Variants in LYPD6 observed in about 807,000 individuals in gnomAD.
LYPD6 encodes LY6/PLAUR domain containing 6.
LYPD6 carries 15 observed loss-of-function variants against 22.7 expected under a neutral mutation model. The ratio of observed to expected loss-of-function variants is 0.66; its 90% CI spans 0.44 to 1.02. The LOEUF is 1.02. Among genes scored for constraint, LYPD6 ranks in the 50% least tolerant of loss-of-function variants. The pLI is 0.00. For synonymous variants in LYPD6, 72 were observed against 77.5 expected (o/e 0.93, Z 0.37); for missense variants, 189 against 208.4 (o/e 0.91, Z 0.57).
At chr2:149,432,293 T>C (rs772410850) in intron 1 of LYPD6, among the ~76,000 whole-genome samples, 1 of 152,178 alleles carries the variant, frequency 6.6e-6, no homozygotes, top group Non-Finnish European at 1.5e-5. Context: ...CACACAAACA[T>C]GTACATGAAT....
At chr2:149,409,412 G>A (rs6746484) in intron 1 of LYPD6, among the ~76,000 whole-genome samples, 39,752 of 152,002 alleles carry the variant, frequency 0.26, 5,912 homozygotes, top group African/African-American at 0.41. Context: ...TTTCAAGAGC[G>A]CATCAGCTGC....
In LYPD6 at chr2:149,460,541, A is replaced by G. The variant is rs182457151; in HGVS notation, c.218-8104A>G. Among the ~76,000 whole-genome samples the G allele has an allele frequency of 6.6e-3, 1,012 of 152,284 alleles. 12 individuals carry two copies. The highest frequency in any genetic ancestry group is 0.023 in the African/African-American group (939 of 41,578). ...TAGATAAATCTACAATTATAGTTGG[A>G]GACTTCAACACCACTCTTTCAAAAA... On this transcript the variant is annotated intron_variant, in intron 3 of 4. Coordinates refer to ENST00000334166, the MANE Select transcript of LYPD6 (RefSeq NM_194317.5).
intron 1 of LYPD6, among the ~76,000 whole-genome samples, chr2:149,340,716 T>G (rs1233388720): frequency 6.6e-6 from 1 of 152,202 alleles, no homozygotes; most frequent in Non-Finnish European, 1.5e-5. Flanking sequence ...TTTTTGACAT[T>G]TAAAATTACC....
At chr2:149,406,927 G>A (rs1682726587) in intron 1 of LYPD6, among the ~76,000 whole-genome samples, 1 of 152,034 alleles carries the variant, frequency 6.6e-6, no homozygotes, top group Non-Finnish European at 1.5e-5. Flanking sequence ...GGGCAGGCCT[G>A]GTGGTGACAA....
chr2:149,468,614 C>T (rs1681259020), intron 3 of LYPD6, 31 bp from the exon 4 acceptor site: 6 of 1,604,234 alleles, frequency 3.7e-6, no homozygotes, highest in East Asian at 2.2e-5. Context: ...GTCAACATTT[C>T]CCATCTCAAA....
chr2:149,384,895 A>G (rs1682149058), intron 1 of LYPD6, among the ~76,000 whole-genome samples: 1 of 94,936 alleles, frequency 1.1e-5, no homozygotes, highest in South Asian at 4.2e-4. Flanking sequence ...CCACCCCACA[A>G]CAGTCCCCAG....
chr2:149,410,351 G>T (rs559203364), intron 1 of LYPD6, among the ~76,000 whole-genome samples: 2 of 152,200 alleles, frequency 1.3e-5, no homozygotes, highest in East Asian at 3.9e-4. Context: ...GTATGTGTTT[G>T]TGATTTGTAT....
intron 1 of LYPD6, among the ~76,000 whole-genome samples, chr2:149,335,489 CAT>C (rs1429319877): frequency 6.6e-6 from 1 of 152,020 alleles, no homozygotes; most frequent in Non-Finnish European, 1.5e-5. Context: ...AAAGTTAAAA[CAT>C]ATAAAAGTTT....
intron 1 of LYPD6, among the ~76,000 whole-genome samples, chr2:149,404,333 A>T (rs551154016): frequency 4.3e-4 from 65 of 152,262 alleles, no homozygotes; most frequent in African/African-American, 1.6e-3. Flanking sequence ...CAGTATGGCC[A>T]TTTTCACGAT....
chr2:149,416,333 A>G (rs1682961836), intron 1 of LYPD6, among the ~76,000 whole-genome samples: 1 of 152,190 alleles, frequency 6.6e-6, no homozygotes. Flanking sequence ...CTTTGTAGTC[A>G]TGCCCTTCAG....
chr2:149,367,796 C>T (rs373028771), intron 1 of LYPD6: 6 of 152,290 alleles, frequency 3.9e-5, no homozygotes, highest in Admixed American at 2.6e-4. Flanking sequence ...AAGAGGCTTC[C>T]GAGCTCCAGC....
chr2:149,418,710 G>C (rs1024558326), intron 1 of LYPD6, among the ~76,000 whole-genome samples: 2 of 152,204 alleles, frequency 1.3e-5, no homozygotes, highest in African/African-American at 4.8e-5. Context: ...CAAAGTGCGA[G>C]TACCCCAGAG....
At chr2:149,380,344 A>G (rs1161482750) in intron 1 of LYPD6, among the ~76,000 whole-genome samples, 2 of 152,232 alleles carry the variant, frequency 1.3e-5, no homozygotes, top group African/African-American at 2.4e-5. Flanking sequence ...ATCACTCTAC[A>G]TGACATGCTA....
At chr2:149,393,407 C>T (rs532829000) in intron 1 of LYPD6, among the ~76,000 whole-genome samples, 39 of 152,304 alleles carry the variant, frequency 2.6e-4, no homozygotes, top group African/African-American at 8.7e-4. Flanking sequence ...AAAAGCTCCT[C>T]TCTGTGTGAT....
chr2:149,449,268 G>T (rs1010110609), intron 3 of LYPD6, 121 bp downstream of exon 3: 4 of 614,246 alleles, frequency 6.5e-6, no homozygotes, highest in African/African-American at 5.6e-5. Flanking sequence ...CTTGTCTAAG[G>T]CTATTAGATC....
At chr2:149,383,783 T>C (rs1009428519) in intron 1 of LYPD6, among the ~76,000 whole-genome samples, 8 of 152,198 alleles carry the variant, frequency 5.3e-5, no homozygotes, top group African/African-American at 1.9e-4. Flanking sequence ...ACTGATGATA[T>C]GTACTAGTAA....
At chr2:149,347,680 TAAG>T (rs1681282621) in intron 1 of LYPD6, among the ~76,000 whole-genome samples, 2 of 152,198 alleles carry the variant, frequency 1.3e-5, no homozygotes, top group African/African-American at 4.8e-5. Context: ...TGGCAGCACT[TAAG>T]AAACTATCTC....
chr2:149,455,491 C>T (rs540926841), intron 3 of LYPD6, among the ~76,000 whole-genome samples: 4 of 152,194 alleles, frequency 2.6e-5, no homozygotes, highest in Admixed American at 2.0e-4. Flanking sequence ...ATCTCCTGAC[C>T]TCGTGATCCA....
At chr2:149,435,080 C>T (rs906995984) in intron 1 of LYPD6, among the ~76,000 whole-genome samples, 2 of 152,148 alleles carry the variant, frequency 1.3e-5, no homozygotes, top group African/African-American at 4.8e-5. Context: ...GACCCTAATC[C>T]AATCTGACTG....
Sources: gnomAD v4.1 joint callset for allele counts (sites outside exome capture counted in the v4.1 genomes callset) on GRCh38, gnomAD v4.1.1 for gene constraint, MANE v1.5 for transcripts, NCBI Gene and HGNC (gene_info 2026-07-23, HGNC 2026-07-21) for gene names.